Variants in DEFB104B observed in about 807,000 individuals in gnomAD.
The protein encoded by DEFB104B is defensin beta 104B.
At chr8:7,471,208 A>G (rs1810931547) in intron 1 of DEFB104B, among the ~76,000 whole-genome samples, 1 of 138,976 alleles carries the variant, frequency 7.2e-6, no homozygotes, top group Non-Finnish European at 1.6e-5. Context: ...ATACATACAA[A>G]CATAGACATA....
At chr8:7,470,803 T>C (rs1296437498) in intron 1 of DEFB104B, among the ~76,000 whole-genome samples, 2 of 117,480 alleles carry the variant, frequency 1.7e-5, no homozygotes, top group African/African-American at 3.3e-5. Context: ...AGCCCCTTAC[T>C]TGGTCTCCAA....
At chr8:7,470,730 A>G (rs1456699991) in intron 1 of DEFB104B, among the ~76,000 whole-genome samples, 108 of 45,310 alleles carry the variant, frequency 2.4e-3, no homozygotes, top group African/African-American at 9.1e-3. Flanking sequence ...ACATCATTCC[A>G]TGTCACACTT....
At chr8:7,474,122 C>A (rs1202479757) in intron 1 of DEFB104B, among the ~76,000 whole-genome samples, 5 of 140,984 alleles carry the variant, frequency 3.5e-5, no homozygotes, top group African/African-American at 1.0e-4. Flanking sequence ...GAGGCACAGC[C>A]TGGAAGGGTA....
intron 1 of DEFB104B, among the ~76,000 whole-genome samples, chr8:7,474,446 C>T (rs1300106222): frequency 7.0e-6 from 1 of 142,026 alleles, no homozygotes; most frequent in African/African-American, 2.6e-5. Flanking sequence ...ATTTCCTGAG[C>T]AGAGTTCAAA....
intron 1 of DEFB104B, among the ~76,000 whole-genome samples, chr8:7,472,122 C>T (rs1166979787): frequency 6.9e-6 from 1 of 144,232 alleles, no homozygotes; most frequent in African/African-American, 2.8e-5. Flanking sequence ...CAGTACAAGG[C>T]AATGAAGAAA....
chr8:7,474,688 A>G (rs1811066928), intron 1 of DEFB104B, among the ~76,000 whole-genome samples: 3 of 140,964 alleles, frequency 2.1e-5, no homozygotes, highest in Admixed American at 7.1e-5. Context: ...TGGAACAAGC[A>G]TGGCTAGTGA....
At chr8:7,473,208 C>T (rs1316657134) in intron 1 of DEFB104B, among the ~76,000 whole-genome samples, 12 of 18,638 alleles carry the variant, frequency 6.4e-4, no homozygotes, top group Admixed American at 1.2e-3. Context: ...GTGGGGGTGG[C>T]GGGGGGCCTG....
At chr8:7,472,490 G>C (rs1810989257) in intron 1 of DEFB104B, among the ~76,000 whole-genome samples, 1 of 138,950 alleles carries the variant, frequency 7.2e-6, no homozygotes. Context: ...ATGTCTTACA[G>C]TCTCAGTAAA....
intron 1 of DEFB104B, among the ~76,000 whole-genome samples, chr8:7,473,175 C>A (rs1340533632): frequency 1.1e-5 from 1 of 93,062 alleles, no homozygotes; most frequent in East Asian, 4.2e-4. Flanking sequence ...TTGGTTTGGT[C>A]CAGAAAGGTG....
chr8:7,472,964 C>T (rs1371324115), intron 1 of DEFB104B, among the ~76,000 whole-genome samples: 2 of 107,516 alleles, frequency 1.9e-5, no homozygotes, highest in Non-Finnish European at 3.7e-5. Context: ...TCAAGCGATT[C>T]TCCTGCCTCC....
chr8:7,472,301 GAGA>G (rs1810981789), intron 1 of DEFB104B, among the ~76,000 whole-genome samples: 3 of 128,754 alleles, frequency 2.3e-5, no homozygotes, highest in South Asian at 5.8e-4. Context: ...AGCGTTAGGG[GAGA>G]AGGAGAATAG....
intron 1 of DEFB104B, among the ~76,000 whole-genome samples, chr8:7,471,939 T>C (rs1251424028): frequency 6.7e-6 from 1 of 150,310 alleles, no homozygotes; most frequent in Non-Finnish European, 1.5e-5. Flanking sequence ...TTTCTGATGC[T>C]TAGGTATCAA....
intron 1 of DEFB104B, among the ~76,000 whole-genome samples, chr8:7,474,296 G>A (rs1460208957): frequency 5.5e-4 from 80 of 146,136 alleles, no homozygotes; most frequent in African/African-American, 1.9e-3. Context: ...CTGTACTATA[G>A]AGAATGCTGC....
chr8:7,472,793 AG>A (rs1356580692), intron 1 of DEFB104B, among the ~76,000 whole-genome samples: 2 of 136,012 alleles, frequency 1.5e-5, no homozygotes, highest in African/African-American at 5.9e-5. Context: ...TATACATTTT[AG>A]GGAGACATAA....
At chr8:7,472,918 A>G (rs1811004747) in intron 1 of DEFB104B, among the ~76,000 whole-genome samples, 1 of 119,112 alleles carries the variant, frequency 8.4e-6, no homozygotes, top group Non-Finnish European at 1.7e-5. Context: ...GTGCAATGGC[A>G]CGATCTCAGC....
In DEFB104B at chr8:7,474,384, G is replaced by A. The variant is rs569931477; in HGVS notation, c.58+627C>T. On this transcript the variant is annotated intron_variant, in intron 1 of 1. Transcript: ENST00000316169. ...AATATATTAAGAAATACATGCTTCT[G>A]GGGACATAGATTAACGTAGGAGTCA... 6.0e-3 allele frequency among the ~76,000 whole-genome samples: 866 copies of A among 143,488 alleles called. 14 individuals are homozygous for A. Among genetic ancestry groups the A allele is most frequent in the African/African-American group, 0.02 (788 of 38,902 alleles). The allele number at this position is 143,488 out of a possible 152,430, so 94.1% of individuals were successfully genotyped here. A position where few individuals can be genotyped will look rare whatever the true frequency, so the allele number is the denominator to read the frequency against.
intron 1 of DEFB104B, among the ~76,000 whole-genome samples, chr8:7,471,203 T>C (rs1336928256): frequency 3.5e-5 from 5 of 142,328 alleles, no homozygotes; most frequent in Non-Finnish European, 7.7e-5. Flanking sequence ...GAGAGATACA[T>C]ACAAACATAG....
At chr8:7,474,136 A>G (rs1282861058) in intron 1 of DEFB104B, among the ~76,000 whole-genome samples, 1 of 141,442 alleles carries the variant, frequency 7.1e-6, no homozygotes, top group African/African-American at 2.6e-5. Context: ...AAGGGTAAAA[A>G]GATGGGTGCT....
chr8:7,472,106 T>C (rs1446030645), intron 1 of DEFB104B, among the ~76,000 whole-genome samples: 10 of 144,950 alleles, frequency 6.9e-5, no homozygotes, highest in Non-Finnish European at 1.0e-4. Flanking sequence ...CAAGCCCCTG[T>C]GGTCACAGTA....
Sources: allele counts gnomAD v4.1 joint callset (sites outside exome capture counted in the v4.1 genomes callset), GRCh38; gene constraint gnomAD v4.1.1; transcripts MANE v1.5; gene names NCBI Gene and HGNC (gene_info 2026-07-23, HGNC 2026-07-21).